Variants in GRIA4 observed in about 807,000 individuals in gnomAD.
GRIA4 encodes the protein glutamate receptor 4.
GRIA4 carries 34 observed loss-of-function variants against 104.0 expected under a neutral mutation model. The observed-to-expected ratio is 0.33, with a 90% CI of 0.25 to 0.44. GRIA4 has a LOEUF of 0.44. GRIA4 is among the 20% of genes least tolerant of loss of function. The probability of loss-of-function intolerance (pLI) is 1.00; values close to 1 mark genes in which losing one functional copy is unlikely to be tolerated. For synonymous variants in GRIA4, 386 were observed against 381.9 expected, an observed-to-expected ratio of 1.01 and a Z score of -0.13; for missense variants, 750 against 1,096.5, an observed-to-expected ratio of 0.68 and a Z score of 4.46.
At chr11:105,956,732 A>G (rs1158610434) in intron 14 of GRIA4, among the ~76,000 whole-genome samples, 1 of 152,158 alleles carries the variant, frequency 6.6e-6, no homozygotes, top group Non-Finnish European at 1.5e-5. Context: ...CAACAGCGTA[A>G]AAGTGTTCCT....
intron 4 of GRIA4, among the ~76,000 whole-genome samples, chr11:105,765,221 G>A (rs960436050): frequency 4.6e-5 from 7 of 152,134 alleles, no homozygotes; most frequent in Non-Finnish European, 1.0e-4. Context: ...AATACAAAGT[G>A]TAAAGTGGAA....
In GRIA4 at chr11:105,905,207, A is replaced by C. The variant is rs775292260; in HGVS notation, c.1064A>C (p.Gln355Pro). The C allele has an allele frequency of 6.2e-5, 99 of 1,596,116 alleles. No homozygotes were observed. Among genetic ancestry groups the C allele is most frequent in the Non-Finnish European group, 5.8e-5 (68 of 1,163,942 alleles). ...MERTLKQVRI[Q>P]GLTGNVQFDH... ...TTCTTTTTCACTTAGGTTCGAATTC[A>C]AGGGCTGACAGGGAATGTTCAGTTT... The change falls in exon 9 of 17, where the codon CAA becomes CCA. Residue 355 changes from glutamine (Q) to proline (P), a missense_variant. Coordinates refer to ENST00000282499, the MANE Select transcript of GRIA4 (RefSeq NM_000829.4).
At chr11:105,740,299 G>A (rs1002451436) in intron 3 of GRIA4, among the ~76,000 whole-genome samples, 1 of 152,186 alleles carries the variant, frequency 6.6e-6, no homozygotes, top group Non-Finnish European at 1.5e-5. Flanking sequence ...ATGGTCAAAA[G>A]GGGAGGAAGA....
At chr11:105,927,141 G>A (rs1001077603) in intron 13 of GRIA4, among the ~76,000 whole-genome samples, 5 of 151,994 alleles carry the variant, frequency 3.3e-5, no homozygotes, top group African/African-American at 1.2e-4. Context: ...TATTGCAAGA[G>A]GAACACTCTC....
At chr11:105,943,904 A>G (rs536199659) in intron 14 of GRIA4, among the ~76,000 whole-genome samples, 336 of 152,222 alleles carry the variant, frequency 2.2e-3, no homozygotes, top group Non-Finnish European at 4.0e-3. Context: ...AGGAATTTAT[A>G]ATGTTTCATA....
At chr11:105,671,131 A>G (rs965230014) in intron 3 of GRIA4, among the ~76,000 whole-genome samples, 4 of 152,136 alleles carry the variant, frequency 2.6e-5, no homozygotes, top group Non-Finnish European at 4.4e-5. Context: ...ATAATTTTCC[A>G]TATCTCAAGG....
chr11:105,848,111 T>C (rs1251984854), intron 4 of GRIA4, among the ~76,000 whole-genome samples: 1 of 152,218 alleles, frequency 6.6e-6, no homozygotes, highest in African/African-American at 2.4e-5. Flanking sequence ...AGGCCACGTC[T>C]AGTTGATTAA....
chr11:105,819,178 T>C (rs1447652179), intron 4 of GRIA4, among the ~76,000 whole-genome samples: 2 of 152,140 alleles, frequency 1.3e-5, no homozygotes, highest in Non-Finnish European at 2.9e-5. Flanking sequence ...AAATGGCTCT[T>C]TACTTATTTA....
intron 4 of GRIA4, among the ~76,000 whole-genome samples, chr11:105,830,681 C>A (rs1206345708): frequency 6.6e-6 from 1 of 151,984 alleles, no homozygotes; most frequent in African/African-American, 2.4e-5. Context: ...TCCTCACTTG[C>A]AGTTTTATCT....
intron 4 of GRIA4, among the ~76,000 whole-genome samples, chr11:105,853,980 T>C (rs1055435322): frequency 1.3e-5 from 2 of 152,236 alleles, no homozygotes. Flanking sequence ...CGAAGGTTTC[T>C]ACTGTTTCAG....
intron 3 of GRIA4, among the ~76,000 whole-genome samples, chr11:105,624,178 A>C (rs1415708398): frequency 6.6e-6 from 1 of 152,142 alleles, no homozygotes; most frequent in Admixed American, 6.6e-5. Flanking sequence ...AATATATCCT[A>C]GAAGAAAGAA....
At chr11:105,874,465 G>T (rs1313765774) in intron 5 of GRIA4, among the ~76,000 whole-genome samples, 2 of 152,132 alleles carry the variant, frequency 1.3e-5, no homozygotes, top group Non-Finnish European at 2.9e-5. Context: ...AAAGTCAGTG[G>T]TAGCTTGATG....
chr11:105,807,614 G>A (rs149934040), intron 4 of GRIA4, among the ~76,000 whole-genome samples: 98 of 151,932 alleles, frequency 6.5e-4, no homozygotes, highest in African/African-American at 2.2e-3. Context: ...ATTTTCATTA[G>A]CAGTGTGTTT....
chr11:105,782,749 C>T (rs1293959348), intron 4 of GRIA4, among the ~76,000 whole-genome samples: 1 of 152,138 alleles, frequency 6.6e-6, no homozygotes, highest in African/African-American at 2.4e-5. Context: ...ACTGCCTCTT[C>T]CTCCTCTATG....
chr11:105,784,871 G>A (rs1399013950), intron 4 of GRIA4, among the ~76,000 whole-genome samples: 1 of 152,108 alleles, frequency 6.6e-6, no homozygotes, highest in Non-Finnish European at 1.5e-5. Context: ...ATTGGAAAGA[G>A]TACAGCCATG....
At chr11:105,618,114 A>G (rs1447658700) in intron 3 of GRIA4, among the ~76,000 whole-genome samples, 1 of 151,952 alleles carries the variant, frequency 6.6e-6, no homozygotes, top group African/African-American at 2.4e-5. Flanking sequence ...GCCATTGAAC[A>G]TGGATTAGTC....
At chr11:105,927,347 A>G (rs1947736380) in intron 13 of GRIA4, among the ~76,000 whole-genome samples, 1 of 152,100 alleles carries the variant, frequency 6.6e-6, no homozygotes, top group Non-Finnish European at 1.5e-5. Context: ...TGAAACACAA[A>G]ACCTTAATTG....
chr11:105,625,060 C>T (rs1950851140), intron 3 of GRIA4, among the ~76,000 whole-genome samples: 1 of 151,966 alleles, frequency 6.6e-6, no homozygotes. Flanking sequence ...TCAGATTTTG[C>T]TTAAATAATC....
intron 14 of GRIA4, among the ~76,000 whole-genome samples, chr11:105,954,236 A>G (rs1470026294): frequency 6.6e-6 from 1 of 152,208 alleles, no homozygotes; most frequent in Non-Finnish European, 1.5e-5. Flanking sequence ...AAAGCAAACC[A>G]CATAATGAGG....
Sources: allele counts gnomAD v4.1 joint callset (sites outside exome capture counted in the v4.1 genomes callset), GRCh38; gene constraint gnomAD v4.1.1; transcripts MANE v1.5; gene names NCBI Gene and HGNC (gene_info 2026-07-23, HGNC 2026-07-21).